The following SPATA21 variants were observed in gnomAD, a reference collection of about 807,000 sequenced individuals.
The protein encoded by SPATA21 is spermatogenesis-associated protein 21.
SPATA21 carries 47 observed loss-of-function variants against 54.8 expected under a neutral mutation model. The ratio of observed to expected loss-of-function variants is 0.86; its 90% CI spans 0.68 to 1.09. SPATA21 has a LOEUF of 1.09. Among genes scored for constraint, SPATA21 ranks in the 50% least tolerant of loss-of-function variants. The probability of loss-of-function intolerance (pLI) is 0.00; values close to 1 mark genes in which losing one functional copy is unlikely to be tolerated. For synonymous variants in SPATA21, 245 were observed against 235.3 expected (o/e 1.04, Z -0.38); for missense variants, 599 against 596.4 (o/e 1.00, Z -0.05).
intron 5 of SPATA21, among the ~76,000 whole-genome samples, chr1:16,420,322 G>C (rs1440646314): frequency 6.6e-6 from 1 of 151,332 alleles, no homozygotes; most frequent in African/African-American, 2.4e-5. Flanking sequence ...GAGGTGAGGG[G>C]GACAATTATT....
At chr1:16,406,891 C>T (rs2100801771) in intron 7 of SPATA21, among the ~76,000 whole-genome samples, 1 of 152,358 alleles carries the variant, frequency 6.6e-6, no homozygotes, top group Non-Finnish European at 1.5e-5. Flanking sequence ...AACCTGCCGA[C>T]CCCCTGATCT....
At chr1:16,424,271 C>T (rs1570192472) in intron 3 of SPATA21, among the ~76,000 whole-genome samples, 1 of 126,200 alleles carries the variant, frequency 7.9e-6, no homozygotes, top group Admixed American at 8.4e-5. Flanking sequence ...CGAGATTGCG[C>T]CACTGCACTC....
At chr1:16,435,049 A>T (rs966330676) in intron 1 of SPATA21, among the ~76,000 whole-genome samples, 1 of 151,884 alleles carries the variant, frequency 6.6e-6, no homozygotes, top group Non-Finnish European at 1.5e-5. Flanking sequence ...GTAGATGGGA[A>T]TCTCACTATG....
rs192909098 is a variant in SPATA21, at chr1:16,399,387, C to G, written c.1309G>C (p.Asp437His). 3 of 1,613,972 alleles carry G rather than the reference C, an allele frequency of 1.9e-6. No homozygotes were observed. In the Admixed American group the frequency reaches 5.0e-5, roughly 27 times the overall value. Residue 437 changes from aspartate (D) to histidine (H), a missense_variant, in exon 12 of 13, where the codon GAC becomes CAC. By Grantham distance (81) the Asp-to-His change is moderately conservative. Coordinates refer to ENST00000335496, the MANE Select transcript of SPATA21 (RefSeq NM_198546.1). ...DQCTPPGLDP[D>H]IRSPFFQSGS... ...GACTGGAAGAAGGGGCTGCGGATGT[C>G]AGGATCCAGGCCAGGGGGTGTGCAC... is the stretch of plus-strand genomic sequence containing the variant.
intron 1 of SPATA21, among the ~76,000 whole-genome samples, chr1:16,435,622 CTTT>C (rs565292770): frequency 6.9e-6 from 1 of 144,722 alleles, no homozygotes; most frequent in African/African-American, 2.5e-5. Flanking sequence ...CGGCCCCCCC[CTTT>C]TTTTTTTTTC....
At chr1:16,402,284 G>A (rs1327075578) in intron 10 of SPATA21, among the ~76,000 whole-genome samples, 1 of 93,740 alleles carries the variant, frequency 1.1e-5, no homozygotes, top group African/African-American at 4.3e-5. Flanking sequence ...TTTTTGAGAT[G>A]GAGTTTCGCT....
At chr1:16,424,507 C>T (rs1436277694) in intron 3 of SPATA21, among the ~76,000 whole-genome samples, 1 of 151,600 alleles carries the variant, frequency 6.6e-6, no homozygotes, top group Admixed American at 6.6e-5. Flanking sequence ...GCAGCCTGGA[C>T]CCCAGGCTCA....
chr1:16,410,076 T>G, intron 5 of SPATA21, 33 bp from the exon 6 acceptor site: 1 of 1,496,284 alleles, frequency 6.7e-7, no homozygotes, highest in Non-Finnish European at 9.0e-7. Flanking sequence ...AGGAGGCCTC[T>G]AGTGGGCCAG....
intron 3 of SPATA21, among the ~76,000 whole-genome samples, chr1:16,422,919 T>C (rs752926444): frequency 7.2e-5 from 11 of 152,096 alleles, no homozygotes; most frequent in Non-Finnish European, 1.2e-4. Flanking sequence ...TCCCAGAATT[T>C]TGGGAGGCTG....
intron 1 of SPATA21, among the ~76,000 whole-genome samples, chr1:16,436,896 G>T (rs2100924780): frequency 6.6e-6 from 1 of 152,090 alleles, no homozygotes; most frequent in East Asian, 1.9e-4. Flanking sequence ...AAAAAGTTTT[G>T]AAATCAGGAA....
chr1:16,404,954 C>T lies in SPATA21; in HGVS notation c.811+13G>A, dbSNP rs75294913. 1.1e-3 allele frequency: 1,674 copies of T among 1,558,750 alleles called. 11 individuals carry two copies. The African/African-American group carries it at 0.021, about 19-fold the overall frequency. ...CCTGCCTGGGATGCAGAGTGGAGCC[C>T]TCTGCCACTCACCATTGACATCAGC... On this transcript the variant is annotated intron_variant, in intron 8 of 12. Coordinates refer to ENST00000335496, the MANE Select transcript of SPATA21 (RefSeq NM_198546.1).
intron 5 of SPATA21, among the ~76,000 whole-genome samples, chr1:16,411,681 T>C (rs955540502): frequency 6.1e-5 from 9 of 147,508 alleles, no homozygotes; most frequent in African/African-American, 2.3e-4. Context: ...TTCCAGCTAC[T>C]AAGGAGGCTG....
At chr1:16,424,577 C>T (rs1435333539) in intron 3 of SPATA21, among the ~76,000 whole-genome samples, 1 of 151,814 alleles carries the variant, frequency 6.6e-6, no homozygotes, top group African/African-American at 2.4e-5. Context: ...GCCACCACAT[C>T]CAGCTAACTT....
chr1:16,398,947 A>G, intron 12 of SPATA21, 125 bp from the exon 13 acceptor site: 1 of 1,039,504 alleles, frequency 9.6e-7, no homozygotes, highest in Non-Finnish European at 1.4e-6. Flanking sequence ...AAATGGTGGA[A>G]CCAGCAGTTG....
chr1:16,419,150 G>C (rs2086100865), intron 5 of SPATA21, among the ~76,000 whole-genome samples: 1 of 152,198 alleles, frequency 6.6e-6, no homozygotes. Context: ...GCCAGGGAAG[G>C]CCTTGTGGAA....
Position 16,409,810 on chromosome 1 carries a change from G to T in SPATA21, c.378C>A (p.Ser126Arg). 1 of 1,598,840 alleles carries T rather than the reference G, an allele frequency of 6.3e-7. No homozygotes were observed. Among genetic ancestry groups the T allele is most frequent in the Non-Finnish European group, 8.5e-7 (1 of 1,173,058 alleles). ...TLTPVPTSAPSLPQTPASVPA... is the reference protein window; with the variant it reads ...TLTPVPTSAPRLPQTPASVPA... The stretch of plus-strand genomic sequence containing the variant: ...GGACCGAGGCAGGGGTCTGAGGCAG[G>T]CTTGGAGCTGAGGTGGGCACCGGGG... Residue 126 changes from serine (S) to arginine (R), a missense_variant, in exon 6 of 13, where the codon AGC becomes AGA. Physicochemically the swap from Ser to Arg is moderately radical, Grantham distance 110 (BLOSUM62 -1). Transcript: ENST00000335496. The surrounding 1 kb of genome is among the most constrained non-coding windows in gnomAD (Gnocchi z 4.1).
At chr1:16,422,508 T>C (rs1412047566) in intron 3 of SPATA21, among the ~76,000 whole-genome samples, 2 of 98,522 alleles carry the variant, frequency 2.0e-5, no homozygotes, top group African/African-American at 7.8e-5. Context: ...TGTGTGTGTG[T>C]ATTTTTTTTT....
chr1:16,421,179 T>C lies in SPATA21; in HGVS notation c.144+330A>G, dbSNP rs151077860. ...AGGTGTTCAGGGATGCTTTGGATTG[T>C]GTGGCTGTGGCCGAGGGCAAATGGG... On this transcript the variant is annotated intron_variant, in intron 5 of 12. Coordinates refer to ENST00000335496, the MANE Select transcript of SPATA21 (RefSeq NM_198546.1). The surrounding 1 kb of genome is among the most constrained non-coding windows in gnomAD (Gnocchi z 5.2). Among the ~76,000 whole-genome samples, 251 of 152,152 alleles carry C rather than the reference T, an allele frequency of 1.6e-3. 1 individual carries two copies. Among genetic ancestry groups the C allele is most frequent in the African/African-American group, 5.6e-3 (231 of 41,516 alleles).
In SPATA21 at chr1:16,431,549, G is replaced by A. The variant is rs1336417108; in HGVS notation, c.-51-127C>T. 14 of 834,176 alleles carry A rather than the reference G, an allele frequency of 1.7e-5. No individual in the cohort carries two copies. In the South Asian group the frequency reaches 2.3e-4, roughly 13 times the overall value. 51.7% of individuals were successfully genotyped at this position (834,176 alleles called of 1,614,324 possible). A position where few individuals can be genotyped will look rare whatever the true frequency, so the allele number is the denominator to read the frequency against. On this transcript the variant is annotated intron_variant, in intron 2 of 12. Coordinates refer to ENST00000335496, the MANE Select transcript of SPATA21 (RefSeq NM_198546.1). The stretch of plus-strand genomic sequence containing the variant: ...AAGAGGCGGGGCCAGGCCTTGCAAG[G>A]AGAGGCACGCAGCAAAACCAGAGAG...
Sources: gnomAD v4.1 joint callset for allele counts (sites outside exome capture counted in the v4.1 genomes callset) on GRCh38, gnomAD v4.1.1 for gene constraint, Gnocchi (gnomAD v3.1) non-coding constraint, MANE v1.5 for transcripts, NCBI Gene and HGNC (gene_info 2026-07-23, HGNC 2026-07-21) for gene names.